The following CCDC154 variants were observed in gnomAD, a reference collection of about 807,000 sequenced individuals.
The protein encoded by CCDC154 is coiled-coil domain containing 154, also known as coiled-coil domain-containing protein 154.
Under a neutral mutation model 87.5 loss-of-function variants are expected in CCDC154, and 91 were observed. That is an observed-to-expected ratio of 1.04 (90% CI 0.88 to 1.24). The LOEUF is 1.24. CCDC154 is among the 50% of genes most tolerant of loss of function. The pLI, the probability that CCDC154 is intolerant of heterozygous loss-of-function variation, is 0.00. For missense variants in CCDC154, 903 were observed against 879.2 expected (o/e 1.03, Z -0.34); for synonymous variants, 418 against 400.4 (o/e 1.04, Z -0.52).
intron 6 of CCDC154, among the ~76,000 whole-genome samples, chr16:1,440,946 G>A (rs184318195): frequency 2.9e-3 from 393 of 137,110 alleles, no homozygotes; most frequent in African/African-American, 8.9e-3. Context: ...GGGAGACTCC[G>A]TCTTAAAAAA....
Position 1,436,418 on chromosome 16 carries a change from C to T in CCDC154, c.1487+27G>A, listed in dbSNP as rs947701341. 9 of 1,532,720 alleles carry T rather than the reference C, an allele frequency of 5.9e-6. No homozygotes were observed. In the Admixed American group the frequency reaches 1.4e-4, roughly 23 times the overall value. 94.9% of individuals were successfully genotyped at this position (1,532,720 alleles called of 1,614,324 possible). A position where few individuals can be genotyped will look rare whatever the true frequency, so the allele number is the denominator to read the frequency against. On this transcript the variant is annotated intron_variant, in intron 13 of 16. Transcript: ENST00000389176. ...CAGTAACGGTCAGCAGAGCCCCTGC[C>T]CCTCTCCCAGGGCCTGGAGGCTGTA...
In CCDC154 at chr16:1,437,950, C is replaced by A. The variant is rs543092557; in HGVS notation, c.1157G>T (p.Arg386Leu). Reference protein sequence around the residue: ...QEMHGELVLLREKSRALEASV... With the variant: ...QEMHGELVLLLEKSRALEASV... ...TGCCTCCAGAGCCCGGCTCTTCTCT[C>A]GGAGCTGCAGGGGACAGGTGGGCAC... The change falls in exon 11 of 17, where the codon CGA becomes CTA. Residue 386 changes from arginine to leucine, a missense_variant. Transcript: ENST00000389176. The A allele has an allele frequency of 6.5e-7, 1 of 1,546,320 alleles. No individual in the cohort carries two copies. Among genetic ancestry groups the A allele is most frequent in the Non-Finnish European group, 8.7e-7 (1 of 1,145,332 alleles).
Position 1,443,253 on chromosome 16 carries a change from G to A in CCDC154, c.455+8C>T. On this transcript the variant is annotated splice_region_variant and intron_variant, in intron 4 of 16. Transcript: ENST00000389176. ...CTGGGCCTGTGCCCCTAGGTGTGTG[G>A]GGGGTACCTTTTGTCCAGGGCCTGC... 3.9e-6 allele frequency: 6 copies of A among 1,548,486 alleles called. No homozygotes were observed. Among genetic ancestry groups the A allele is most frequent in the Non-Finnish European group, 5.2e-6 (6 of 1,146,392 alleles).
intron 5 of CCDC154, 78 bp from the exon 6 acceptor site, chr16:1,442,607 C>T: frequency 6.9e-7 from 1 of 1,440,674 alleles, no homozygotes; most frequent in Non-Finnish European, 9.2e-7. Context: ...ACAGGCTGGC[C>T]AGGCAGGAGG....
At position 1,434,738 on chromosome 16, in the gene CCDC154, C is replaced by T. The variant is rs2038484492; in HGVS notation, c.1807G>A (p.Val603Ile). The T allele has an allele frequency of 1.3e-6, 2 of 1,546,088 alleles. No homozygotes were observed. Among genetic ancestry groups the T allele is most frequent in the Admixed American group, 2.0e-5 (1 of 50,966 alleles). Residue 603 changes from valine (V) to isoleucine (I), a missense_variant, in exon 16 of 17, where the codon GTC (valine) becomes ATC (isoleucine). Coordinates refer to ENST00000389176, the MANE Select transcript of CCDC154 (RefSeq NM_001143980.3). ...KALPSLVRPR[V>I]FIKDMAPGKV... ...CCAGGCGCCATGTCCTTGATGAAGA[C>T]CCGCGGCCTCACCAGGGATGGGAGC...
At chr16:1,440,989 T>C (rs1047606659) in intron 6 of CCDC154, among the ~76,000 whole-genome samples, 1 of 149,736 alleles carries the variant, frequency 6.7e-6, no homozygotes, top group African/African-American at 2.5e-5. Flanking sequence ...CATGGTGGCA[T>C]GCGCCCGCAG....
intron 6 of CCDC154, chr16:1,439,371 GAC>G (rs2038531352): frequency 1.3e-5 from 7 of 554,602 alleles, no homozygotes; most frequent in Admixed American, 9.7e-5. Flanking sequence ...GTGGGGTCCA[GAC>G]ACACTTGGCA....
At chr16:1,438,479 C>G in intron 9 of CCDC154, 140 bp downstream of exon 9, 1 of 846,834 alleles carries the variant, frequency 1.2e-6, no homozygotes, top group Non-Finnish European at 1.9e-6. Flanking sequence ...TCGCACCATC[C>G]AGCTGCAGCC....
In CCDC154 at chr16:1,436,017, T is replaced by C; in HGVS notation, c.1557A>G (p.Glu519=). 1 of 1,550,348 alleles carries C rather than the reference T, an allele frequency of 6.5e-7. No homozygotes were observed. Among genetic ancestry groups the C allele is most frequent in the Non-Finnish European group, 8.7e-7 (1 of 1,146,884 alleles). The change falls in exon 14 of 17, where the codon GAA becomes GAG. Residue 519 remains glutamate, a synonymous_variant. Coordinates refer to ENST00000389176, the MANE Select transcript of CCDC154 (RefSeq NM_001143980.3). ...TLLSSVQLLK[E]DNPGRKIAEM... is the part of the protein sequence containing the mutation. The stretch of plus-strand genomic sequence containing the variant: ...CCGCGATCTTCCGCCCAGGGTTGTC[T>C]TCCTTTAGCAGCTGCACGGATGATA...
Position 1,444,378 on chromosome 16 carries a change from C to T in CCDC154, c.-56G>A. On this transcript the variant is annotated 5_prime_UTR_variant, in exon 1 of 17. Coordinates refer to ENST00000389176, the MANE Select transcript of CCDC154 (RefSeq NM_001143980.3). ...TCGGCTGTAGCTTGGGCCTTGGGGC[C>T]TCTGAGGTTGCCCAGAGCTGGGCAC... is the stretch of plus-strand genomic sequence containing the variant. 7.7e-7 allele frequency: 1 copy of T among 1,293,744 alleles called. No homozygotes were observed. The highest frequency in any genetic ancestry group is 1.2e-5 in the South Asian group (1 of 80,318). 80.1% of individuals were successfully genotyped at this position (1,293,744 alleles called of 1,614,324 possible).
At chr16:1,439,909 G>A (rs2038535807) in intron 6 of CCDC154, among the ~76,000 whole-genome samples, 1 of 152,112 alleles carries the variant, frequency 6.6e-6, no homozygotes, top group South Asian at 2.1e-4. Flanking sequence ...CCCACTTTGG[G>A]AGGCCGAGGC....
In CCDC154 at chr16:1,436,775, G is replaced by A. The variant is rs1311404589; in HGVS notation, c.1327C>T (p.Leu443=). The change falls in exon 12 of 17, where the codon CTG becomes TTG. Residue 443 remains leucine (L), a synonymous_variant. Transcript: ENST00000389176. Reference sequence around the variant, plus strand: ...TTCCGCCACCTGGCCAGGTCCTCCAGGGACTTCCTCTCTGCACCTTCCCAT... The same window carrying A: ...TTCCGCCACCTGGCCAGGTCCTCCAAGGACTTCCTCTCTGCACCTTCCCAT... The part of the protein sequence containing the change: ...TEWEGAERKS[L]EDLARWRKEV... 1 of 1,550,464 alleles carries A rather than the reference G, an allele frequency of 6.4e-7. No homozygotes were observed. Among genetic ancestry groups the A allele is most frequent in the Non-Finnish European group, 8.7e-7 (1 of 1,146,980 alleles).
At chr16:1,435,834 G>C in intron 14 of CCDC154, 135 bp downstream of exon 14, 1 of 745,784 alleles carries the variant, frequency 1.3e-6, no homozygotes, top group East Asian at 2.7e-5. Context: ...CCTCCGACAG[G>C]TGGTTTTCTG....
intron 3 of CCDC154, 79 bp from the exon 4 acceptor site, chr16:1,443,380 G>A (rs2038574922): frequency 1.3e-6 from 2 of 1,491,234 alleles, no homozygotes; most frequent in African/African-American, 1.4e-5. Context: ...CCCAGCTCCG[G>A]CACCACTGGC....
chr16:1,444,396 C>G lies in CCDC154; in HGVS notation c.-74G>C. On this transcript the variant is annotated 5_prime_UTR_variant, in exon 1 of 17. Transcript: ENST00000389176. ...TTGGGGCCTCTGAGGTTGCCCAGAG[C>G]TGGGCACAGGCCAGGGGGGTCAGGA... 7.8e-7 allele frequency: 1 copy of G among 1,278,980 alleles called. No individual in the cohort carries two copies. Among genetic ancestry groups the G allele is most frequent in the South Asian group, 1.3e-5 (1 of 78,788 alleles). 79.2% of individuals were successfully genotyped at this position (1,278,980 alleles called of 1,614,324 possible).
intron 9 of CCDC154, 115 bp from the exon 10 acceptor site, chr16:1,438,291 G>A (rs936330156): frequency 4.5e-5 from 58 of 1,297,606 alleles, no homozygotes; most frequent in South Asian, 6.5e-5. Flanking sequence ...CCCTGGGATC[G>A]GAAGATGGGG....
chr16:1,438,431 G>T, intron 9 of CCDC154, 188 bp downstream of exon 9: 1 of 727,286 alleles, frequency 1.4e-6, no homozygotes, highest in Non-Finnish European at 2.2e-6. Context: ...AGGGCAGGCT[G>T]GGTGAGGGAC....
chr16:1,439,025 C>G lies in CCDC154; in HGVS notation c.777G>C (p.Lys259Asn). The G allele has an allele frequency of 6.5e-7, 1 of 1,550,222 alleles. No homozygotes were observed. The highest frequency in any genetic ancestry group is 1.2e-5 in the South Asian group (1 of 84,064). The stretch of plus-strand genomic sequence containing the variant: ...AGGCCAGCCGCGGGCAGGCTCCCAC[C>G]TTCTCCAGGGCCAGGAAGCTCTTCT... The part of the protein sequence containing the change: ...FLQKSFLALE[K>N]RMKASESSRL... Residue 259 changes from lysine (K) to asparagine (N), a missense_variant and splice_region_variant, in exon 7 of 17, where the codon AAG becomes AAC. Lys to Asn is a moderately conservative substitution (Grantham distance 94). Coordinates refer to ENST00000389176, the MANE Select transcript of CCDC154 (RefSeq NM_001143980.3).
chr16:1,440,216 G>A (rs35094804), intron 6 of CCDC154, among the ~76,000 whole-genome samples: 3,281 of 150,832 alleles, frequency 0.022, 41 homozygotes, highest in Admixed American at 0.028. Flanking sequence ...TTGGGAGGCC[G>A]AGGTGGGCGG....
Sources: gnomAD v4.1 joint callset for allele counts (sites outside exome capture counted in the v4.1 genomes callset) on GRCh38, gnomAD v4.1.1 for gene constraint, MANE v1.5 for transcripts, NCBI Gene and HGNC (gene_info 2026-07-23, HGNC 2026-07-21) for gene names.